MPRIP: variants seen among roughly 807,000 people sequenced by gnomAD.
MPRIP encodes myosin phosphatase Rho interacting protein.
A neutral mutation model predicts 234.9 loss-of-function variants in MPRIP; 59 were observed. The ratio of observed to expected loss-of-function variants is 0.25; its 90% CI spans 0.20 to 0.31. The LOEUF is 0.31. Among genes scored for constraint, MPRIP ranks in the 10% least tolerant of loss-of-function variants. The pLI is 1.00. For missense variants in MPRIP, 2,436 were observed against 3,071.0 expected (o/e 0.79, Z 4.89); for synonymous variants, 1,144 against 1,263.9 (o/e 0.91, Z 2.01).
At chr17:17,059,678 G>A (rs779340525) in intron 1 of MPRIP, among the ~76,000 whole-genome samples, 2 of 152,158 alleles carry the variant, frequency 1.3e-5, no homozygotes, top group African/African-American at 2.4e-5. Flanking sequence ...TCGTGTCTTC[G>A]TCTCCTTGTT....
Position 17,172,777 on chromosome 17 carries a change from C to A in MPRIP, c.6552C>A (p.Ser2184Arg). Reference sequence around the variant, plus strand: ...AGAGCCAGCGGTCCCAGATCAGCAGCGTCAACTCGGATGTTGAGGCCCTGC... The same window carrying A: ...AGAGCCAGCGGTCCCAGATCAGCAGAGTCAACTCGGATGTTGAGGCCCTGC... ...LEKSQRSQIS[S>R]VNSDVEALRR... is the part of the protein sequence containing the mutation. Residue 2184 changes from serine to arginine, a missense_variant, in exon 18 of 24, where the codon AGC becomes AGA. Physicochemically the swap from Ser to Arg is moderately radical, Grantham distance 110. Transcript: ENST00000651222. 6.2e-7 allele frequency: 1 copy of A among 1,612,596 alleles called. No homozygotes were observed. Among genetic ancestry groups the A allele is most frequent in the East Asian group, 2.2e-5 (1 of 44,880 alleles).
At chr17:17,143,912 G>A (rs555080050) in intron 9 of MPRIP, among the ~76,000 whole-genome samples, 40 of 152,302 alleles carry the variant, frequency 2.6e-4, no homozygotes, top group African/African-American at 8.7e-4. Flanking sequence ...GAGGCCCTGC[G>A]GAGGAGGCCA....
chr17:17,079,925 G>A (rs111973384), intron 3 of MPRIP, among the ~76,000 whole-genome samples: 1 of 152,360 alleles, frequency 6.6e-6, no homozygotes, highest in East Asian at 1.9e-4. Flanking sequence ...ACAGTGCACT[G>A]TGGTCTCCCA....
At chr17:17,152,306 C>T (rs1053475646) in intron 12 of MPRIP, among the ~76,000 whole-genome samples, 1 of 152,268 alleles carries the variant, frequency 6.6e-6, no homozygotes, top group Admixed American at 6.5e-5. Flanking sequence ...CTCCTGCCGT[C>T]CACCTCCCAT....
intron 15 of MPRIP, among the ~76,000 whole-genome samples, chr17:17,163,357 T>A (rs2045913857): frequency 6.6e-6 from 1 of 152,248 alleles, no homozygotes. Context: ...GAGTTCTGTC[T>A]CTGCATGCCT....
At chr17:17,059,969 G>T (rs746669091) in intron 1 of MPRIP, among the ~76,000 whole-genome samples, 1 of 152,222 alleles carries the variant, frequency 6.6e-6, no homozygotes, top group Admixed American at 6.5e-5. Context: ...TACTGATGAG[G>T]CTCTGAAGTA....
chr17:17,172,046 G>A (rs910282599), intron 17 of MPRIP, among the ~76,000 whole-genome samples, 181 bp downstream of exon 17: 2 of 152,246 alleles, frequency 1.3e-5, no homozygotes, highest in Non-Finnish European at 2.9e-5. Flanking sequence ...CCTTTTGAGA[G>A]CTTGTAAACT....
At chr17:17,087,586 A>T (rs2089619717) in intron 3 of MPRIP, among the ~76,000 whole-genome samples, 1 of 152,196 alleles carries the variant, frequency 6.6e-6, no homozygotes, top group African/African-American at 2.4e-5. Context: ...CCCTGGCCAG[A>T]CGCGAGTCCT....
intron 1 of MPRIP, among the ~76,000 whole-genome samples, chr17:17,048,656 T>C (rs573807539): frequency 3.3e-5 from 5 of 152,140 alleles, no homozygotes; most frequent in Non-Finnish European, 7.3e-5. Context: ...CCTGTCAGGA[T>C]GGCTAGAATT....
chr17:17,113,643 T>G (rs2090217819), intron 3 of MPRIP, among the ~76,000 whole-genome samples: 2 of 152,184 alleles, frequency 1.3e-5, no homozygotes, highest in African/African-American at 4.8e-5. Flanking sequence ...CTGTGTTCAG[T>G]TCCTCTGGGT....
chr17:17,123,571 G>A (rs1362525561), intron 3 of MPRIP, among the ~76,000 whole-genome samples: 1 of 151,904 alleles, frequency 6.6e-6, no homozygotes, highest in African/African-American at 2.4e-5. Flanking sequence ...GGGTGTGGTA[G>A]CATGCATCTG....
At chr17:17,094,116 GT>G (rs1482191688) in intron 3 of MPRIP, among the ~76,000 whole-genome samples, 1 of 151,800 alleles carries the variant, frequency 6.6e-6, no homozygotes, top group Non-Finnish European at 1.5e-5. Flanking sequence ...GTTCGTTTTT[GT>G]TTTTGTGGGG....
At chr17:17,168,871 C>T (rs1384298160) in intron 16 of MPRIP, 2 of 456,664 alleles carry the variant, frequency 4.4e-6, no homozygotes, top group Non-Finnish European at 8.8e-6. Flanking sequence ...GCTGCAAGCT[C>T]CTGACTCCCA....
At chr17:17,051,897 C>T (rs73979058) in intron 1 of MPRIP, among the ~76,000 whole-genome samples, 12,379 of 152,326 alleles carry the variant, frequency 0.081, 712 homozygotes, top group East Asian at 0.16. Flanking sequence ...CGCAGCTTGG[C>T]GGTTGCATGC....
intron 16 of MPRIP, chr17:17,171,492 T>TAG: frequency 1.9e-6 from 1 of 531,342 alleles, no homozygotes; most frequent in South Asian, 2.7e-5. Context: ...AAATAAGAGG[T>TAG]AGAGTTGACT....
intron 2 of MPRIP, 111 bp downstream of exon 2, chr17:17,075,898 T>G: frequency 9.5e-7 from 1 of 1,048,456 alleles, no homozygotes; most frequent in Non-Finnish European, 1.4e-6. Flanking sequence ...GATCCTGGGA[T>G]AGCAGGACCA....
At chr17:17,051,543 G>T (rs77782374) in intron 1 of MPRIP, among the ~76,000 whole-genome samples, 260 of 152,210 alleles carry the variant, frequency 1.7e-3, no homozygotes, top group Non-Finnish European at 3.2e-3. Context: ...CTGGGGCGGG[G>T]TGGCGGGGGA....
intron 3 of MPRIP, among the ~76,000 whole-genome samples, chr17:17,126,410 C>T (rs867401102): frequency 6.6e-6 from 1 of 152,176 alleles, no homozygotes; most frequent in Non-Finnish European, 1.5e-5. Context: ...TCTCAGCTGC[C>T]CCTGTCACCG....
intron 3 of MPRIP, among the ~76,000 whole-genome samples, chr17:17,089,244 A>G (rs1331095152): frequency 6.6e-6 from 1 of 152,118 alleles, no homozygotes; most frequent in Non-Finnish European, 1.5e-5. Flanking sequence ...AATGAGTACC[A>G]CTTAGCTAAG....
Sources: gnomAD v4.1 joint callset for allele counts (sites outside exome capture counted in the v4.1 genomes callset) on GRCh38, gnomAD v4.1.1 for gene constraint, MANE v1.5 for transcripts, NCBI Gene and HGNC (gene_info 2026-07-23, HGNC 2026-07-21) for gene names.